The following CAB39L variants were observed in gnomAD, a reference collection of about 807,000 sequenced individuals.
CAB39L encodes the protein calcium binding protein 39 like, also known as calcium-binding protein 39-like.
In CAB39L, 23 loss-of-function variants were observed where a neutral mutation model predicts 39.1. The observed-to-expected ratio is 0.59, with a 90% confidence interval of 0.42 to 0.83. The LOEUF is 0.83. CAB39L is among the 40% of genes least tolerant of loss of function. CAB39L has a pLI of 0.00. For missense variants in CAB39L, 366 were observed against 391.9 expected, an observed-to-expected ratio of 0.93 and a Z score of 0.56; for synonymous variants, 126 against 137.2, an observed-to-expected ratio of 0.92 and a Z score of 0.57.
chr13:49,352,980 T>TA (rs1184237849), intron 6 of CAB39L, among the ~76,000 whole-genome samples: 1 of 152,188 alleles, frequency 6.6e-6, no homozygotes, highest in Non-Finnish European at 1.5e-5. Flanking sequence ...ATTGAGGAAA[T>TA]AGACTACTTT....
rs575049902 is a variant in CAB39L at position 49,367,312 on chromosome 13, A to G, written c.277-7480T>C. ...TAGGGAAATGAAAATCAAAACCACA[A>G]TGAAATATTATTACATGCCTATCAG... On this transcript the variant is annotated intron_variant, in intron 5 of 10. Coordinates refer to ENST00000409308, the MANE Select transcript of CAB39L (RefSeq NM_001079670.3). Among the ~76,000 whole-genome samples, 10 of 152,362 alleles carry G rather than the reference A, an allele frequency of 6.6e-5. 1 individual carries two copies. Among genetic ancestry groups the G allele is most frequent in the African/African-American group, 2.2e-4 (9 of 41,590 alleles).
chr13:49,346,105 A>ATG (rs1955159082), intron 7 of CAB39L, among the ~76,000 whole-genome samples: 1 of 45,756 alleles, frequency 2.2e-5, no homozygotes, highest in Non-Finnish European at 4.6e-5. Flanking sequence ...TGCTAGATAT[A>ATG]TATATATATA....
chr13:49,410,314 A>G (rs559229746), intron 3 of CAB39L, among the ~76,000 whole-genome samples: 33 of 152,336 alleles, frequency 2.2e-4, no homozygotes, highest in Admixed American at 3.9e-4. Flanking sequence ...AGTTAAGAAC[A>G]TAAGATACCT....
intron 4 of CAB39L, among the ~76,000 whole-genome samples, chr13:49,378,396 G>A (rs1343923839): frequency 1.6e-5 from 1 of 62,646 alleles, no homozygotes; most frequent in African/African-American, 1.0e-4. Context: ...CAGCCGTGCC[G>A]TCCGGGAGGG....
rs187811677 is a variant in CAB39L at position 49,371,049 on chromosome 13, C to T, written c.276+5918G>A. Among the ~76,000 whole-genome samples, 460 of 152,140 alleles carry T rather than the reference C, an allele frequency of 3.0e-3. 6 individuals carry two copies. The highest frequency in any genetic ancestry group is 0.01 in the African/African-American group (416 of 41,498). On this transcript the variant is annotated intron_variant, in intron 5 of 10. Coordinates refer to ENST00000409308, the MANE Select transcript of CAB39L (RefSeq NM_001079670.3). ...AATTAAATAAAATCAATGGCTGACA[C>T]GCATAGTAAGCATTTCAAATTGTTA...
intron 3 of CAB39L, among the ~76,000 whole-genome samples, chr13:49,398,192 G>T (rs930476498): frequency 6.6e-6 from 1 of 152,014 alleles, no homozygotes; most frequent in African/African-American, 2.4e-5. Context: ...AGTTGGAAGG[G>T]ACTATATGAG....
intron 1 of CAB39L, among the ~76,000 whole-genome samples, chr13:49,437,086 G>A (rs1316327665): frequency 6.6e-6 from 1 of 152,094 alleles, no homozygotes; most frequent in Non-Finnish European, 1.5e-5. Context: ...GAAATGTTTT[G>A]ACTATCATTT....
In CAB39L at chr13:49,371,171, T is replaced by C. The variant is rs116297151; in HGVS notation, c.276+5796A>G. On this transcript the variant is annotated intron_variant, in intron 5 of 10. Transcript: ENST00000409308. ...ACCAAAGGTAAAGAGCCATTTTTTT[T>C]TCTTTTTCTTTTTCTTTCTTTTTTT... 6.1e-3 allele frequency among the ~76,000 whole-genome samples: 909 copies of C among 148,244 alleles called. 5 individuals are homozygous for C. Among genetic ancestry groups the C allele is most frequent in the African/African-American group, 0.021 (859 of 40,074 alleles).
intron 2 of CAB39L, among the ~76,000 whole-genome samples, chr13:49,433,674 T>C (rs1957362305): frequency 6.6e-6 from 1 of 152,200 alleles, no homozygotes; most frequent in African/African-American, 2.4e-5. Flanking sequence ...CTAGTACCTC[T>C]GAAATCTCCA....
intron 9 of CAB39L, among the ~76,000 whole-genome samples, chr13:49,336,168 A>G (rs186973418): frequency 2.0e-5 from 3 of 150,754 alleles, no homozygotes; most frequent in African/African-American, 7.3e-5. Context: ...AATGAGCTCT[A>G]TGTTTATATA....
chr13:49,322,350 T>C (rs544502176), intron 10 of CAB39L, among the ~76,000 whole-genome samples: 3 of 152,328 alleles, frequency 2.0e-5, no homozygotes, highest in South Asian at 4.1e-4. Flanking sequence ...GTGGCCAAAA[T>C]TGGATTGGGT....
intron 1 of CAB39L, among the ~76,000 whole-genome samples, 177 bp from the exon 2 acceptor site, chr13:49,434,400 T>C (rs1957375679): frequency 1.3e-5 from 2 of 152,212 alleles, no homozygotes; most frequent in Admixed American, 6.5e-5. Context: ...ATATAGCATA[T>C]ATATATAGTG....
At chr13:49,316,322 G>A (rs1311178371) in intron 10 of CAB39L, among the ~76,000 whole-genome samples, 4 of 152,136 alleles carry the variant, frequency 2.6e-5, no homozygotes. Flanking sequence ...CCTCTGACAA[G>A]AGATCAAATC....
In CAB39L at chr13:49,359,703, C is replaced by T; in HGVS notation, c.395+11G>A. On this transcript the variant is annotated intron_variant, in intron 6 of 10. Coordinates refer to ENST00000409308, the MANE Select transcript of CAB39L (RefSeq NM_001079670.3). ...AACTTAGCCCTACTTGAAAGGAAGC[C>T]ATGTACCTACCCTTTGAGGAGCATA... 1 of 1,442,450 alleles carries T rather than the reference C, an allele frequency of 6.9e-7. No individual in the cohort carries two copies. Among genetic ancestry groups the T allele is most frequent in the Non-Finnish European group, 9.7e-7 (1 of 1,030,492 alleles). The allele number at this position is 1,442,450 out of a possible 1,614,324, so 89.4% of individuals were successfully genotyped here. A position where few individuals can be genotyped will look rare whatever the true frequency, so the allele number is the denominator to read the frequency against.
chr13:49,349,598 T>C (rs1026225092), intron 7 of CAB39L, among the ~76,000 whole-genome samples: 5 of 151,936 alleles, frequency 3.3e-5, no homozygotes, highest in African/African-American at 1.2e-4. Context: ...TCAGAGCTGA[T>C]TTGGTAGACA....
intron 1 of CAB39L, among the ~76,000 whole-genome samples, chr13:49,436,147 A>T (rs1205933651): frequency 6.6e-6 from 1 of 152,094 alleles, no homozygotes; most frequent in African/African-American, 2.4e-5. Flanking sequence ...TGCTGTTTAG[A>T]AGTCTGTTGC....
At chr13:49,365,483 T>A (rs1211294363) in intron 5 of CAB39L, among the ~76,000 whole-genome samples, 1 of 152,088 alleles carries the variant, frequency 6.6e-6, no homozygotes, top group Non-Finnish European at 1.5e-5. Flanking sequence ...TTCTGCACAG[T>A]GAAGGGTACA....
intron 6 of CAB39L, among the ~76,000 whole-genome samples, chr13:49,353,826 T>G (rs1303760814): frequency 6.6e-6 from 1 of 152,064 alleles, no homozygotes; most frequent in African/African-American, 2.4e-5. Flanking sequence ...TATCCCCATC[T>G]CCATTTGGTG....
intron 6 of CAB39L, 33 bp from the exon 7 acceptor site, chr13:49,350,945 C>T (rs1378080313): frequency 6.8e-7 from 1 of 1,480,772 alleles, no homozygotes; most frequent in Non-Finnish European, 9.1e-7. Context: ...ATAGAGAACT[C>T]TGTTATCCTA....
Sources: allele counts gnomAD v4.1 joint callset (sites outside exome capture counted in the v4.1 genomes callset), GRCh38; gene constraint gnomAD v4.1.1; transcripts MANE v1.5; gene names NCBI Gene and HGNC (gene_info 2026-07-23, HGNC 2026-07-21).